Variants in GRM7 observed in about 807,000 individuals in gnomAD.
GRM7 encodes the protein metabotropic glutamate receptor 7.
Under a neutral mutation model 84.5 loss-of-function variants are expected in GRM7, and 35 were observed. The ratio of observed to expected loss-of-function variants is 0.41; its 90% CI spans 0.32 to 0.55. GRM7 has a LOEUF of 0.55. Ranked by LOEUF, GRM7 falls within the 20% of genes least tolerant of loss-of-function variation. GRM7 has a pLI of 0.19. For missense variants in GRM7, 1,003 were observed against 1,194.6 expected (o/e 0.84, Z 2.36); for synonymous variants, 487 against 455.1 (o/e 1.07, Z -0.89).
At chr3:7,192,021 G>T (rs938099655) in intron 2 of GRM7, among the ~76,000 whole-genome samples, 1 of 152,060 alleles carries the variant, frequency 6.6e-6, no homozygotes, top group South Asian at 2.1e-4. Context: ...GAACAGTACA[G>T]ATTCTCAGAA....
intron 1 of GRM7, among the ~76,000 whole-genome samples, chr3:7,050,569 A>G (rs768714313): frequency 5.3e-5 from 8 of 151,904 alleles, no homozygotes; most frequent in Non-Finnish European, 1.0e-4. Flanking sequence ...AATAAAATCT[A>G]AAGTGCTGAA....
intron 1 of GRM7, among the ~76,000 whole-genome samples, chr3:7,020,386 A>AT (rs1695733845): frequency 6.6e-6 from 1 of 152,098 alleles, no homozygotes; most frequent in Non-Finnish European, 1.5e-5. Flanking sequence ...ACATGGGGGG[A>AT]TTTTTATAGC....
At chr3:7,360,457 A>G (rs1436030082) in intron 4 of GRM7, among the ~76,000 whole-genome samples, 2 of 152,144 alleles carry the variant, frequency 1.3e-5, no homozygotes. Flanking sequence ...TGGGGTTACC[A>G]TAACAATTAA....
In GRM7 at chr3:7,235,454, T is replaced by C. The variant is rs148840605; in HGVS notation, c.737-63230T>C. ...CCAATAAGGAATTTTCTGTGGTACA[T>C]GATAAGCACCCCTAGGTTCCCCATT... On this transcript the variant is annotated intron_variant, in intron 2 of 9. Transcript: ENST00000357716. 3.4e-3 allele frequency among the ~76,000 whole-genome samples: 524 copies of C among 152,322 alleles called. 2 individuals carry two copies. Among genetic ancestry groups the C allele is most frequent in the African/African-American group, 0.012 (491 of 41,572 alleles).
intron 2 of GRM7, among the ~76,000 whole-genome samples, chr3:7,178,538 G>A (rs550319764): frequency 7.9e-5 from 12 of 152,102 alleles, no homozygotes; most frequent in Non-Finnish European, 1.5e-4. Flanking sequence ...CTTCTAAGCT[G>A]TTTGGTTTGT....
intron 1 of GRM7, among the ~76,000 whole-genome samples, chr3:6,950,688 C>A (rs1241733909): frequency 1.3e-5 from 2 of 152,234 alleles, no homozygotes; most frequent in Admixed American, 1.3e-4. Context: ...CCTCCTTGAG[C>A]TGTGGTGGGC....
At chr3:7,698,464 T>A (rs77093897) in intron 9 of GRM7, among the ~76,000 whole-genome samples, 4,324 of 152,308 alleles carry the variant, frequency 0.028, 171 homozygotes, top group African/African-American at 0.086. Flanking sequence ...TAATTTTCTC[T>A]AAGTCACACA....
chr3:7,612,332 T>C (rs1696884974), intron 8 of GRM7, among the ~76,000 whole-genome samples: 1 of 152,138 alleles, frequency 6.6e-6, no homozygotes, highest in African/African-American at 2.4e-5. Flanking sequence ...AATTGAGATG[T>C]CATAAAGTGC....
chr3:7,435,106 A>C (rs1358341614), intron 5 of GRM7, among the ~76,000 whole-genome samples: 3 of 151,390 alleles, frequency 2.0e-5, no homozygotes, highest in Non-Finnish European at 4.4e-5. Context: ...GTTTCTTATT[A>C]TTTATTTAGT....
At chr3:7,431,221 C>A (rs1384505297) in intron 5 of GRM7, among the ~76,000 whole-genome samples, 4 of 152,076 alleles carry the variant, frequency 2.6e-5, no homozygotes, top group African/African-American at 9.7e-5. Context: ...AGAATAATAT[C>A]TATCATTTAA....
At chr3:7,046,973 A>G (rs567704257) in intron 1 of GRM7, among the ~76,000 whole-genome samples, 1 of 152,166 alleles carries the variant, frequency 6.6e-6, no homozygotes, top group African/African-American at 2.4e-5. Context: ...TAAACACTGA[A>G]AACAGGAAGG....
chr3:7,446,485 G>T (rs1575347842), intron 5 of GRM7, among the ~76,000 whole-genome samples: 1 of 145,170 alleles, frequency 6.9e-6, no homozygotes, highest in Admixed American at 6.9e-5. Flanking sequence ...TTTTGAGACG[G>T]AGTCTCATTC....
At chr3:7,616,768 A>C (rs959910561) in intron 8 of GRM7, among the ~76,000 whole-genome samples, 1 of 152,180 alleles carries the variant, frequency 6.6e-6, no homozygotes, top group African/African-American at 2.4e-5. Context: ...AATGAAAAGA[A>C]ACTCCACCTC....
intron 2 of GRM7, among the ~76,000 whole-genome samples, chr3:7,218,657 G>A (rs914511174): frequency 6.6e-6 from 1 of 151,880 alleles, no homozygotes; most frequent in Non-Finnish European, 1.5e-5. Context: ...GATTAATTGG[G>A]AAGGTTGATG....
chr3:7,661,356 A>C (rs1699434883), intron 8 of GRM7, among the ~76,000 whole-genome samples: 1 of 152,204 alleles, frequency 6.6e-6, no homozygotes, highest in Non-Finnish European at 1.5e-5. Context: ...TCTCAACATC[A>C]CCAGTCGTTA....
At chr3:7,653,171 T>A (rs1699027688) in intron 8 of GRM7, among the ~76,000 whole-genome samples, 1 of 144,910 alleles carries the variant, frequency 6.9e-6, no homozygotes, top group Non-Finnish European at 1.5e-5. Flanking sequence ...CATTGTAACA[T>A]ACTATATCCT....
At position 7,064,517 on chromosome 3, in the gene GRM7, T is replaced by C. The variant is rs185525183; in HGVS notation, c.520-81935T>C. Among the ~76,000 whole-genome samples, 654 of 111,872 alleles carry C rather than the reference T, an allele frequency of 5.8e-3. 28 individuals are homozygous for C. The highest frequency in any genetic ancestry group is 0.012 in the South Asian group (40 of 3,388). The allele number at this position is 111,872 out of a possible 152,430, so 73.4% of individuals were successfully genotyped here. A position where few individuals can be genotyped will look rare whatever the true frequency, so the allele number is the denominator to read the frequency against. On this transcript the variant is annotated intron_variant, in intron 1 of 9. Coordinates refer to ENST00000357716, the MANE Select transcript of GRM7 (RefSeq NM_000844.4). ...ATATATATATACACATATATATATATACACACACACACACGCATCCATCAT... is the reference window on the plus strand; with the variant it reads ...ATATATATATACACATATATATATACACACACACACACACGCATCCATCAT...
At chr3:7,292,722 T>A (rs1417602080) in intron 2 of GRM7, among the ~76,000 whole-genome samples, 3 of 151,228 alleles carry the variant, frequency 2.0e-5, no homozygotes, top group Non-Finnish European at 4.4e-5. Flanking sequence ...ATTTCTTTTT[T>A]TTTTAAAAAA....
At chr3:7,051,691 G>C (rs1386550388) in intron 1 of GRM7, among the ~76,000 whole-genome samples, 1 of 151,652 alleles carries the variant, frequency 6.6e-6, no homozygotes, top group Non-Finnish European at 1.5e-5. Context: ...ATTGGTTTTA[G>C]GGTTTTAGAG....
Sources: gnomAD v4.1 joint callset for allele counts (sites outside exome capture counted in the v4.1 genomes callset) on GRCh38, gnomAD v4.1.1 for gene constraint, MANE v1.5 for transcripts, NCBI Gene and HGNC (gene_info 2026-07-23, HGNC 2026-07-21) for gene names.